The following ELOVL6 variants were observed in gnomAD, a reference collection of about 807,000 sequenced individuals.
The protein encoded by ELOVL6 is very long chain fatty acid elongase 6.
ELOVL6 carries 8 observed loss-of-function variants against 31.7 expected under a neutral mutation model. The observed-to-expected ratio is 0.25, with a 90% CI of 0.15 to 0.45. The LOEUF is 0.45. Ranked by LOEUF, ELOVL6 falls within the 20% of genes least tolerant of loss-of-function variation. The pLI is 1.00. For missense variants in ELOVL6, 126 were observed against 326.4 expected (o/e 0.39, Z 4.73); for synonymous variants, 101 against 117.7 (o/e 0.86, Z 0.92).
At chr4:110,085,044 T>C (rs575521039) in intron 2 of ELOVL6, among the ~76,000 whole-genome samples, 1 of 152,306 alleles carries the variant, frequency 6.6e-6, no homozygotes, top group African/African-American at 2.4e-5. Context: ...GGTAGAGTGT[T>C]GGCAGGGCTG....
At chr4:110,104,459 G>A (rs1276827296) in intron 2 of ELOVL6, among the ~76,000 whole-genome samples, 2 of 151,986 alleles carry the variant, frequency 1.3e-5, no homozygotes, top group Admixed American at 1.3e-4. Context: ...CCAACATTAT[G>A]GAAAAACACA....
At chr4:110,161,513 C>T (rs11729740) in intron 1 of ELOVL6, among the ~76,000 whole-genome samples, 11,872 of 152,236 alleles carry the variant, frequency 0.078, 519 homozygotes, top group East Asian at 0.14. Context: ...GACACACTGC[C>T]TCCTGTTCAG....
In ELOVL6 at chr4:110,051,855, G is replaced by A; in HGVS notation, c.374-93C>T. The A allele has an allele frequency of 1.9e-6, 2 of 1,068,100 alleles. No homozygotes were observed. Among genetic ancestry groups the A allele is most frequent in the Non-Finnish European group, 2.7e-6 (2 of 729,414 alleles). 66.2% of individuals were successfully genotyped at this position (1,068,100 alleles called of 1,614,324 possible). On this transcript the variant is annotated intron_variant, in intron 3 of 3. Transcript: ENST00000302274. This position sits in a 1 kb window ranked among gnomAD's most constrained non-coding sequence, Gnocchi z 4.8. The stretch of plus-strand genomic sequence containing the variant: ...TAAGAGGGTAGACATCCTGAGCTAG[G>A]ACTGGAGAGTTACATAGACTGGATT...
At chr4:110,178,286 G>A (rs1399283643) in intron 1 of ELOVL6, among the ~76,000 whole-genome samples, 4 of 152,248 alleles carry the variant, frequency 2.6e-5, no homozygotes, top group South Asian at 2.1e-4. Context: ...AGTGGCTCAC[G>A]ACTATAATTC....
intron 2 of ELOVL6, among the ~76,000 whole-genome samples, chr4:110,088,798 CT>C (rs1415840852): frequency 1.3e-5 from 2 of 152,110 alleles, no homozygotes; most frequent in African/African-American, 4.8e-5. Context: ...TGTGAATCTG[CT>C]TGATAAAGGA....
At chr4:110,110,401 ATTTTTTTTTTT>A (rs397878146) in intron 1 of ELOVL6, among the ~76,000 whole-genome samples, 226 of 109,762 alleles carry the variant, frequency 2.1e-3, no homozygotes, top group African/African-American at 7.8e-3. Flanking sequence ...TTTTCCGCAG[ATTTTTTTTTTT>A]TTTTTTTTTT....
At chr4:110,084,204 T>C (rs1473457934) in intron 2 of ELOVL6, among the ~76,000 whole-genome samples, 3 of 68,862 alleles carry the variant, frequency 4.4e-5, no homozygotes, top group Non-Finnish European at 7.7e-5. Context: ...TTATATGATA[T>C]ATATAACATA....
chr4:110,164,158 A>T lies in ELOVL6; in HGVS notation c.89+34089T>A, dbSNP rs1758704160. On this transcript the variant is annotated intron_variant, in intron 1 of 3. Coordinates refer to ENST00000302274, the MANE Select transcript of ELOVL6 (RefSeq NM_024090.3). ...ACTAGTTTAATTATTACTACAGCCTAATTTGATTATCTCAATTTCACACTT... is the reference window on the plus strand; with the variant it reads ...ACTAGTTTAATTATTACTACAGCCTTATTTGATTATCTCAATTTCACACTT... Among the ~76,000 whole-genome samples, 3 of 152,170 alleles carry T rather than the reference A, an allele frequency of 2.0e-5. No homozygotes were observed. The South Asian group carries it at 6.2e-4, about 31-fold the overall frequency.
rs1205243668 is a variant in ELOVL6, at chr4:110,084,504, CAT to C, written c.221+20991_221+20992del. 3.5e-3 allele frequency among the ~76,000 whole-genome samples: 173 copies of C among 48,886 alleles called. 8 individuals carry two copies. The highest frequency in any genetic ancestry group is 0.012 in the African/African-American group (145 of 11,914). The allele number at this position is 48,886 out of a possible 152,430, so 32.1% of individuals were successfully genotyped here. A position where few individuals can be genotyped will look rare whatever the true frequency, so the allele number is the denominator to read the frequency against. On this transcript the variant is annotated intron_variant, in intron 2 of 3. Coordinates refer to ENST00000302274, the MANE Select transcript of ELOVL6 (RefSeq NM_024090.3). ...CACTATAATGTATACACATATATATCATATATGTGTATACATTATATACACTT... is the reference window on the plus strand; with the variant it reads ...CACTATAATGTATACACATATATATCATATGTGTATACATTATATACACTT...
At chr4:110,189,619 G>C (rs1050017964) in intron 1 of ELOVL6, among the ~76,000 whole-genome samples, 1 of 141,508 alleles carries the variant, frequency 7.1e-6, no homozygotes, top group Non-Finnish European at 1.5e-5. Context: ...AAAAAAGAGA[G>C]AGAGAGAGAG....
chr4:110,060,652 C>T (rs1373777194), intron 2 of ELOVL6, among the ~76,000 whole-genome samples: 1 of 152,172 alleles, frequency 6.6e-6, no homozygotes, highest in Non-Finnish European at 1.5e-5. Flanking sequence ...AACAAGCAGC[C>T]ACTATTACGA....
At chr4:110,064,963 A>G (rs1200407129) in intron 2 of ELOVL6, among the ~76,000 whole-genome samples, 1 of 152,206 alleles carries the variant, frequency 6.6e-6, no homozygotes, top group African/African-American at 2.4e-5. Flanking sequence ...TCGGGGAGAA[A>G]AGACTGTTTC....
At chr4:110,080,520 G>C (rs1223685355) in intron 2 of ELOVL6, among the ~76,000 whole-genome samples, 1 of 152,092 alleles carries the variant, frequency 6.6e-6, no homozygotes, top group Admixed American at 6.6e-5. Flanking sequence ...ATGCAGAAAA[G>C]GCCTTTGACA....
intron 1 of ELOVL6, among the ~76,000 whole-genome samples, chr4:110,116,908 T>C (rs1757184440): frequency 6.6e-6 from 1 of 152,200 alleles, no homozygotes; most frequent in South Asian, 2.1e-4. Context: ...CTTCACTTCC[T>C]TCCTTTCTGT....
At chr4:110,194,087 G>C (rs1462346414) in intron 1 of ELOVL6, among the ~76,000 whole-genome samples, 1 of 152,186 alleles carries the variant, frequency 6.6e-6, no homozygotes, top group African/African-American at 2.4e-5. Context: ...GGCAGAGAGA[G>C]CCCAGCTTCC....
At chr4:110,053,707 A>T (rs2126219563) in intron 3 of ELOVL6, among the ~76,000 whole-genome samples, 1 of 152,278 alleles carries the variant, frequency 6.6e-6, no homozygotes, top group Non-Finnish European at 1.5e-5. Flanking sequence ...TGGGAGCCCG[A>T]GGTGGGCAGA....
chr4:110,173,986 A>G (rs555020454), intron 1 of ELOVL6, among the ~76,000 whole-genome samples: 1 of 152,080 alleles, frequency 6.6e-6, no homozygotes, highest in East Asian at 1.9e-4. Flanking sequence ...AGCCTAAAAT[A>G]AAAGTTAAAA....
intron 1 of ELOVL6, among the ~76,000 whole-genome samples, chr4:110,194,509 A>T (rs1251696257): frequency 3.3e-5 from 5 of 152,228 alleles, no homozygotes; most frequent in Non-Finnish European, 1.5e-5. Context: ...AAAGTAAAAA[A>T]AGTCTGCAGT....
At chr4:110,084,871 G>A (rs1756203957) in intron 2 of ELOVL6, among the ~76,000 whole-genome samples, 1 of 151,748 alleles carries the variant, frequency 6.6e-6, no homozygotes, top group Non-Finnish European at 1.5e-5. Context: ...GGGATTACAG[G>A]TGTGAGCCAC....
Sources: allele counts gnomAD v4.1 joint callset (sites outside exome capture counted in the v4.1 genomes callset), GRCh38; gene constraint gnomAD v4.1.1; non-coding constraint Gnocchi (gnomAD v3.1); transcripts MANE v1.5; gene names NCBI Gene and HGNC (gene_info 2026-07-23, HGNC 2026-07-21).